MOBP: variants seen among roughly 807,000 people sequenced by gnomAD.
MOBP encodes the protein myelin associated oligodendrocyte basic protein.
A neutral mutation model predicts 15.0 loss-of-function variants in MOBP; 5 were observed. The ratio of observed to expected loss-of-function variants is 0.33; its 90% CI spans 0.17 to 0.70. MOBP has a LOEUF of 0.70. MOBP is among the 30% of genes least tolerant of loss of function. The pLI is 0.67. For missense variants in MOBP, 188 were observed against 257.8 expected, an observed-to-expected ratio of 0.73 and a Z score of 1.85; for synonymous variants, 88 against 99.0, an observed-to-expected ratio of 0.89 and a Z score of 0.66.
downstream of MOBP, among the ~76,000 whole-genome samples, chr3:39,506,727 CAG>C (rs550011210): frequency 5.9e-5 from 9 of 152,154 alleles, no homozygotes; most frequent in Non-Finnish European, 1.3e-4. Flanking sequence ...TAAAAGCCCT[CAG>C]GAAAAGAAAG....
At chr3:39,470,533 A>C (rs1342080906) in intron 1 of MOBP, among the ~76,000 whole-genome samples, 2 of 152,222 alleles carry the variant, frequency 1.3e-5, no homozygotes, top group Non-Finnish European at 2.9e-5. Context: ...TTTATGGATG[A>C]GATGCATTAT....
exon 5 of MOBP, chr3:39,513,417 A>G: frequency 6.2e-7 from 1 of 1,614,138 alleles, no homozygotes; most frequent in Non-Finnish European, 8.5e-7. Flanking sequence ...CCCAAAGAAG[A>G]AGTGACCAAG....
rs143446114 is a variant in MOBP, at chr3:39,476,301, TTGG to T, written c.-88-3735_-88-3733del. Among the ~76,000 whole-genome samples the T allele has an allele frequency of 5.3e-3, 802 of 152,290 alleles. 6 individuals are homozygous for T. Among genetic ancestry groups the T allele is most frequent in the African/African-American group, 0.018 (756 of 41,554 alleles). Reference sequence around the variant, plus strand: ...TGGGGATTGCATTTTAACATGAGATTTGGTGGGGATACAAAGCCAAACCATATC... The same window carrying T: ...TGGGGATTGCATTTTAACATGAGATTTGGGGATACAAAGCCAAACCATATC... On this transcript the variant is annotated intron_variant, in intron 1 of 3. Transcript: ENST00000684792.
chr3:39,483,733 C>A (rs2042659661), intron 2 of MOBP, among the ~76,000 whole-genome samples: 1 of 152,112 alleles, frequency 6.6e-6, no homozygotes, highest in African/African-American at 2.4e-5. Context: ...ACAAATCATC[C>A]TTATTTCCTT....
chr3:39,478,293 T>C (rs2042570474), intron 1 of MOBP, among the ~76,000 whole-genome samples: 1 of 152,258 alleles, frequency 6.6e-6, no homozygotes, highest in South Asian at 2.1e-4. Flanking sequence ...AAATTACTAT[T>C]GTGTTACAGT....
At chr3:39,517,254 T>C (rs1184817827), downstream of MOBP, among the ~76,000 whole-genome samples, 3 of 152,192 alleles carry the variant, frequency 2.0e-5, no homozygotes, top group Non-Finnish European at 4.4e-5. Context: ...GAGCATCAAC[T>C]ATGCATTCAC....
chr3:39,520,463 C>T (rs978031225), downstream of MOBP, among the ~76,000 whole-genome samples: 6 of 151,680 alleles, frequency 4.0e-5, no homozygotes, highest in African/African-American at 1.5e-4. Flanking sequence ...CTCTTGGGGT[C>T]CTAATAAGAG....
chr3:39,480,485 AACTGAATC>A (rs1389666987), intron 2 of MOBP, among the ~76,000 whole-genome samples: 2 of 152,116 alleles, frequency 1.3e-5, no homozygotes, highest in African/African-American at 4.8e-5. Flanking sequence ...TTTTTGTGTT[AACTGAATC>A]TAGCCAGTTC....
chr3:39,471,700 G>A (rs150470330), intron 1 of MOBP, among the ~76,000 whole-genome samples: 7 of 152,216 alleles, frequency 4.6e-5, no homozygotes, highest in African/African-American at 7.2e-5. Flanking sequence ...CTGGCATGCC[G>A]GCATGCCCCT....
chr3:39,494,135 T>C (rs1431387932), intron 2 of MOBP, among the ~76,000 whole-genome samples: 1 of 152,246 alleles, frequency 6.6e-6, no homozygotes, highest in Non-Finnish European at 1.5e-5. Flanking sequence ...GGCAGTCTAC[T>C]AGTCCTATTA....
At chr3:39,488,706 G>A (rs2042751472) in intron 2 of MOBP, among the ~76,000 whole-genome samples, 1 of 151,820 alleles carries the variant, frequency 6.6e-6, no homozygotes. Flanking sequence ...GCTTCATTGG[G>A]CATTCGCTTA....
intron 2 of MOBP, among the ~76,000 whole-genome samples, chr3:39,493,590 A>C (rs2042832214): frequency 6.6e-6 from 1 of 152,210 alleles, no homozygotes; most frequent in Admixed American, 6.5e-5. Context: ...ATTTTTAATC[A>C]AACATCTTCT....
chr3:39,491,468 T>C (rs1343391795), intron 2 of MOBP, among the ~76,000 whole-genome samples: 1 of 152,214 alleles, frequency 6.6e-6, no homozygotes, highest in Non-Finnish European at 1.5e-5. Flanking sequence ...AGTAGTACTA[T>C]TATTAGCTAT....
chr3:39,503,100 C>T (rs2042999860), downstream of MOBP: 1 of 483,500 alleles, frequency 2.1e-6, no homozygotes, highest in African/African-American at 2.0e-5. Flanking sequence ...CCATTGCTTC[C>T]GTTGTCTAAT....
At chr3:39,489,690 CG>C (rs897259952) in intron 2 of MOBP, among the ~76,000 whole-genome samples, 2 of 150,346 alleles carry the variant, frequency 1.3e-5, no homozygotes, top group Admixed American at 6.6e-5. Context: ...TATTGTTCCC[CG>C]CCCAGCTCCT....
At chr3:39,509,452 C>T (rs533855763) in intron 4 of MOBP, among the ~76,000 whole-genome samples, 8 of 152,164 alleles carry the variant, frequency 5.3e-5, no homozygotes, top group Admixed American at 1.3e-4. Flanking sequence ...TTGCATTTTC[C>T]TAATGACTAG....
chr3:39,486,505 T>A (rs2042712809), intron 2 of MOBP, among the ~76,000 whole-genome samples: 1 of 152,162 alleles, frequency 6.6e-6, no homozygotes, highest in Admixed American at 6.5e-5. Flanking sequence ...GTATAGTATA[T>A]ATGTAGTGTA....
Position 39,468,878 on chromosome 3 carries a change from CAT to C in MOBP, c.-89+1141_-89+1142del, listed in dbSNP as rs754884942. On this transcript the variant is annotated intron_variant, in intron 1 of 3. Transcript: ENST00000684792. Reference sequence around the variant, plus strand: ...ATGAGTGTGTATATATACATATATACATATGTGTGTGTATATATACATATATA... The same window carrying C: ...ATGAGTGTGTATATATACATATATACATGTGTGTGTATATATACATATATA... Among the ~76,000 whole-genome samples the C allele has an allele frequency of 5.3e-3, 562 of 106,594 alleles. 80 individuals carry two copies. The highest frequency in any genetic ancestry group is 7.1e-3 in the Non-Finnish European group (409 of 57,636). 69.9% of individuals were successfully genotyped at this position (106,594 alleles called of 152,430 possible).
chr3:39,481,594 C>A (rs552527695), intron 2 of MOBP, among the ~76,000 whole-genome samples: 134 of 152,242 alleles, frequency 8.8e-4, no homozygotes, highest in Non-Finnish European at 1.7e-3. Context: ...TCTGCCCCCA[C>A]AAAGAACCCT....
Sources: gnomAD v4.1 joint callset for allele counts (sites outside exome capture counted in the v4.1 genomes callset) on GRCh38, gnomAD v4.1.1 for gene constraint, MANE v1.5 for transcripts, NCBI Gene and HGNC (gene_info 2026-07-23, HGNC 2026-07-21) for gene names.